WDR1: variants seen among roughly 807,000 people sequenced by gnomAD.
The protein encoded by WDR1 is WD repeat domain 1.
WDR1 carries 21 observed loss-of-function variants against 71.9 expected under a neutral mutation model. The ratio of observed to expected loss-of-function variants is 0.29; its 90% CI spans 0.21 to 0.42. The LOEUF (loss-of-function observed/expected upper bound fraction) is 0.42. Ranked by LOEUF, WDR1 falls within the 10% of genes least tolerant of loss-of-function variation. The probability of loss-of-function intolerance (pLI) is 1.00; values close to 1 mark genes in which losing one functional copy is unlikely to be tolerated. For missense variants in WDR1, 696 were observed against 824.5 expected (o/e 0.84, Z 1.91); for synonymous variants, 424 against 347.4 (o/e 1.22, Z -2.45).
Position 10,083,009 on chromosome 4 carries a change from C to G in WDR1, c.1196+13G>C, listed in dbSNP as rs187853252. 8.7e-6 allele frequency: 14 copies of G among 1,603,004 alleles called. No individual in the cohort carries two copies. Among genetic ancestry groups the G allele is most frequent in the South Asian group, 4.4e-5 (4 of 90,476 alleles). On this transcript the variant is annotated intron_variant, in intron 10 of 14. Transcript: ENST00000499869. ...GGCTCATCCGGAACCCCCGCAGACC[C>G]GAGTGCTCTCACCTGTAGTCCCGCA...
chr4:10,102,606 G>C (rs1456160145), intron 3 of WDR1, among the ~76,000 whole-genome samples: 2 of 152,186 alleles, frequency 1.3e-5, no homozygotes, highest in Non-Finnish European at 2.9e-5. Flanking sequence ...AGAACTATGA[G>C]CCAATACATT....
At chr4:10,110,753 C>T (rs900364250) in intron 2 of WDR1, among the ~76,000 whole-genome samples, 1 of 150,646 alleles carries the variant, frequency 6.6e-6, no homozygotes, top group Admixed American at 6.6e-5. Flanking sequence ...AACCTTGGTA[C>T]CCCTGGCATT....
chr4:10,112,070 T>TC (rs1193513745), intron 2 of WDR1, among the ~76,000 whole-genome samples: 1 of 152,118 alleles, frequency 6.6e-6, no homozygotes, highest in Non-Finnish European at 1.5e-5. Flanking sequence ...TTTTTTTTTT[T>TC]CTTTTTCTAA....
At chr4:10,107,729 C>G (rs1048386564) in intron 2 of WDR1, among the ~76,000 whole-genome samples, 7 of 152,212 alleles carry the variant, frequency 4.6e-5, no homozygotes, top group South Asian at 4.1e-4. Context: ...GCCACCACCC[C>G]TGGAGGAGTC....
intron 5 of WDR1, 66 bp from the exon 6 acceptor site, chr4:10,088,807 T>G (rs1382116150): frequency 2.4e-6 from 3 of 1,224,918 alleles, no homozygotes; most frequent in African/African-American, 1.5e-5. Flanking sequence ...AAGAATGCTC[T>G]CTATGAAACA....
intron 9 of WDR1, 80 bp from the exon 10 acceptor site, chr4:10,083,258 A>G (rs2109645885): frequency 6.8e-7 from 1 of 1,480,764 alleles, no homozygotes. Context: ...AAGATTCTCC[A>G]TTTACATCAA....
At chr4:10,083,246 C>T in intron 9 of WDR1, 68 bp from the exon 10 acceptor site, 1 of 1,521,086 alleles carries the variant, frequency 6.6e-7, no homozygotes, top group Non-Finnish European at 8.9e-7. Flanking sequence ...GGCTTCAGTC[C>T]TAAGATTCTC....
chr4:10,092,995 C>A, intron 5 of WDR1: 1 of 1,205,948 alleles, frequency 8.3e-7, no homozygotes, highest in Non-Finnish European at 1.1e-6. Flanking sequence ...TCAACGAGCC[C>A]CCCTCCCCAC....
At chr4:10,110,231 T>C (rs13128688) in intron 2 of WDR1, among the ~76,000 whole-genome samples, 152,050 of 152,280 alleles carry the variant, frequency 1, 75,910 homozygotes, top group Middle Eastern at 1. Flanking sequence ...AGGGAGTGCC[T>C]GCCCATCACT....
intron 9 of WDR1, 50 bp downstream of exon 9, chr4:10,084,393 C>A: frequency 6.4e-7 from 1 of 1,555,250 alleles, no homozygotes. Flanking sequence ...ACAGGAAATT[C>A]CCCCCTAGAG....
In WDR1 at chr4:10,074,555, G is replaced by A. The variant is rs1440132903; in HGVS notation, c.*823C>T. ...AAACAATGACAGATTAGTTTACAGT[G>A]ACTTCATCTTTGTCCTTAAATTAAC... On this transcript the variant is annotated 3_prime_UTR_variant, in exon 15 of 15. Coordinates refer to ENST00000499869, the MANE Select transcript of WDR1 (RefSeq NM_017491.5). 1 of 152,586 alleles carries A rather than the reference G, an allele frequency of 6.6e-6. No individual in the cohort carries two copies. Among genetic ancestry groups the A allele is most frequent in the Non-Finnish European group, 1.5e-5 (1 of 68,034 alleles). 9.5% of individuals were successfully genotyped at this position (152,586 alleles called of 1,614,324 possible). A position where few individuals can be genotyped will look rare whatever the true frequency, so the allele number is the denominator to read the frequency against.
chr4:10,102,636 C>A (rs532103141), intron 3 of WDR1, among the ~76,000 whole-genome samples: 2 of 152,316 alleles, frequency 1.3e-5, no homozygotes, highest in African/African-American at 4.8e-5. Flanking sequence ...CGTAAATTAC[C>A]CAGCCTGTGA....
At position 10,087,687 on chromosome 4, in the gene WDR1, T is replaced by C; in HGVS notation, c.951+20A>G. ...CCCTGTCCACCCAGCGGGCAGAGCC[T>C]TCCCCAGGGCAGGCCTTACCTTGAT... On this transcript the variant is annotated intron_variant, in intron 8 of 14. Coordinates refer to ENST00000499869, the MANE Select transcript of WDR1 (RefSeq NM_017491.5). 2 of 1,561,410 alleles carry C rather than the reference T, an allele frequency of 1.3e-6. No individual in the cohort carries two copies. The highest frequency in any genetic ancestry group is 3.8e-5 in the Admixed American group (2 of 52,432).
intron 2 of WDR1, among the ~76,000 whole-genome samples, chr4:10,105,052 G>A (rs1242309009): frequency 6.6e-6 from 1 of 152,120 alleles, no homozygotes; most frequent in African/African-American, 2.4e-5. Flanking sequence ...TAAGCTCCAC[G>A]TCTGTGTGTA....
intron 2 of WDR1, among the ~76,000 whole-genome samples, chr4:10,112,726 A>G (rs1713460510): frequency 6.6e-6 from 1 of 152,238 alleles, no homozygotes; most frequent in South Asian, 2.1e-4. Flanking sequence ...CTCATGCAGT[A>G]AGACCTCAGT....
In WDR1 at chr4:10,086,028, A is replaced by T. The variant is rs528216400; in HGVS notation, c.952-1498T>A. 5.9e-5 allele frequency among the ~76,000 whole-genome samples: 9 copies of T among 152,090 alleles called. No individual in the cohort carries two copies. The South Asian group carries it at 1.9e-3, about 32-fold the overall frequency. ...TGGCAGCAGTGGTATTAGGAAGAGCACTCTCAGGGCAGCCCTGCCAACAGA... is the reference window on the plus strand; with the variant it reads ...TGGCAGCAGTGGTATTAGGAAGAGCTCTCTCAGGGCAGCCCTGCCAACAGA... On this transcript the variant is annotated intron_variant, in intron 8 of 14. Transcript: ENST00000499869.
At position 10,097,836 on chromosome 4, in the gene WDR1, G is replaced by C; in HGVS notation, c.433C>G (p.His145Asp). The stretch of plus-strand genomic sequence containing the variant: ...TCCACGCTGTTGATGACTTTGTTGT[G>C]TCCTGTAATCTCGCCCACAGAAGAG... ...SGSSVGEITGHNKVINSVDIK... is the reference protein window; with the variant it reads ...SGSSVGEITGDNKVINSVDIK... The change falls in exon 5 of 15, where the codon CAC becomes GAC. Residue 145 changes from histidine (H) to aspartate (D), a missense_variant. Physicochemically the swap from His to Asp is moderately conservative, Grantham distance 81. Coordinates refer to ENST00000499869, the MANE Select transcript of WDR1 (RefSeq NM_017491.5). The C allele has an allele frequency of 1.2e-6, 2 of 1,610,934 alleles. No homozygotes were observed. The highest frequency in any genetic ancestry group is 1.7e-6 in the Non-Finnish European group (2 of 1,179,306).
At chr4:10,079,056 T>G in intron 11 of WDR1, 55 bp from the exon 12 acceptor site, 1 of 1,446,510 alleles carries the variant, frequency 6.9e-7, no homozygotes, top group South Asian at 1.3e-5. Flanking sequence ...GACAAAACCC[T>G]CAGTGGTAGG....
Position 10,116,661 on chromosome 4 carries a change from C to T in WDR1, c.6G>A (p.Pro2=), listed in dbSNP as rs1292426726. ...CGCCGCGGCACTTACTGATCTCGTA[C>T]GGCATCCTCGCCCACTTGTTACCGC... M[P]YEIKKVFASL... The change falls in exon 1 of 15, where the codon CCG becomes CCA. Residue 2 remains proline (P), a synonymous_variant. Transcript: ENST00000499869. 5 of 1,344,444 alleles carry T rather than the reference C, an allele frequency of 3.7e-6. No individual in the cohort carries two copies. The highest frequency in any genetic ancestry group is 3.8e-6 in the Non-Finnish European group (4 of 1,040,364). 83.3% of individuals were successfully genotyped at this position (1,344,444 alleles called of 1,614,324 possible). A position where few individuals can be genotyped will look rare whatever the true frequency, so the allele number is the denominator to read the frequency against.
Sources: allele counts gnomAD v4.1 joint callset (sites outside exome capture counted in the v4.1 genomes callset), GRCh38; gene constraint gnomAD v4.1.1; transcripts MANE v1.5; gene names NCBI Gene and HGNC (gene_info 2026-07-23, HGNC 2026-07-21).